Variants in ACTR3C observed in about 807,000 individuals in gnomAD.
ACTR3C encodes actin-related protein 3C.
In ACTR3C, 18 loss-of-function variants were observed where a neutral mutation model predicts 26.3. That is an observed-to-expected ratio of 0.68 (90% CI 0.47 to 1.01). The LOEUF is 1.01. Ranked by LOEUF, ACTR3C falls within the 50% of genes least tolerant of loss-of-function variation. The pLI, the probability that ACTR3C is intolerant of heterozygous loss-of-function variation, is 0.00. For missense variants in ACTR3C, 184 were observed against 250.7 expected, an observed-to-expected ratio of 0.73 and a Z score of 1.80; for synonymous variants, 55 against 94.5, an observed-to-expected ratio of 0.58 and a Z score of 2.42.
At chr7:150,183,139 G>A in the ACTR3C span, among the ~76,000 whole-genome samples, 1 of 150,676 alleles carries the variant, frequency 6.6e-6, no homozygotes, top group Admixed American at 6.6e-5. Flanking sequence ...AACAAGAAAT[G>A]GAAAGCTCCA....
the ACTR3C span, chr7:149,909,845 A>G: frequency 1.5e-5 from 8 of 517,526 alleles, no homozygotes; most frequent in Non-Finnish European, 2.7e-5. Context: ...AAAAAAACAA[A>G]CTTGTGATCA....
the ACTR3C span, among the ~76,000 whole-genome samples, chr7:149,978,866 G>C: frequency 6.6e-6 from 1 of 152,062 alleles, no homozygotes; most frequent in Admixed American, 6.6e-5. Flanking sequence ...TTCTCAAGAG[G>C]ACTGATCCCA....
At chr7:149,944,116 TTTC>T in the ACTR3C span, among the ~76,000 whole-genome samples, 19 of 147,612 alleles carry the variant, frequency 1.3e-4, no homozygotes, top group East Asian at 3.7e-3. Context: ...GCTTACTGGA[TTTC>T]TTGTGTGTTC....
At chr7:149,946,792 A>T in the ACTR3C span, among the ~76,000 whole-genome samples, 5 of 152,240 alleles carry the variant, frequency 3.3e-5, no homozygotes, top group Non-Finnish European at 7.3e-5. Flanking sequence ...GTGACATCAT[A>T]ATAAGGCATC....
rs572287855 is a variant in ACTR3C at position 150,249,082 on chromosome 7, G to A, written c.565-28C>T. 5.8e-5 allele frequency: 37 copies of A among 636,898 alleles called. No homozygotes were observed. The African/African-American group carries it at 6.7e-4, about 12-fold the overall frequency. 39.5% of individuals were successfully genotyped at this position (636,898 alleles called of 1,614,324 possible). A position where few individuals can be genotyped will look rare whatever the true frequency, so the allele number is the denominator to read the frequency against. ...GAAAAACAGAGAAAACAGTTATAGG[G>A]CAGCAGAGTCTCATGGGTCAATAAC... On this transcript the variant is annotated intron_variant, in intron 6 of 7. Transcript: ENST00000683684.
At chr7:150,132,800 T>C in the ACTR3C span, among the ~76,000 whole-genome samples, 5 of 152,302 alleles carry the variant, frequency 3.3e-5, no homozygotes, top group East Asian at 9.6e-4. Flanking sequence ...CGTGTATGCA[T>C]ATGTTCCTTG....
chr7:150,002,124 A>G, the ACTR3C span: 1 of 152,164 alleles, frequency 6.6e-6, no homozygotes, highest in Admixed American at 6.5e-5. Flanking sequence ...CCATATGAGG[A>G]CAGTGCTGGT....
the ACTR3C span, among the ~76,000 whole-genome samples, chr7:150,023,166 T>TAG: frequency 1.4e-5 from 1 of 71,054 alleles, no homozygotes. Flanking sequence ...GATATCTATA[T>TAG]AGATATATAG....
chr7:149,964,190 T>C, the ACTR3C span, among the ~76,000 whole-genome samples: 2 of 152,356 alleles, frequency 1.3e-5, no homozygotes, highest in Admixed American at 6.5e-5. Context: ...TGGCATCTCC[T>C]GGTGGCCCAG....
chr7:150,030,999 G>A, the ACTR3C span, among the ~76,000 whole-genome samples: 23 of 151,232 alleles, frequency 1.5e-4, no homozygotes, highest in African/African-American at 5.4e-4. Context: ...ACTCACACCT[G>A]TAATCCCAAC....
the ACTR3C span, among the ~76,000 whole-genome samples, chr7:149,943,245 A>G: frequency 2.8e-5 from 4 of 142,522 alleles, 1 homozygote; most frequent in South Asian, 8.6e-4. Context: ...AATATTTACT[A>G]TTTGACCCTT....
At chr7:150,019,599 AAAT>A in the ACTR3C span, among the ~76,000 whole-genome samples, 18,752 of 109,618 alleles carry the variant, frequency 0.17, 1,273 homozygotes, top group South Asian at 0.25. Flanking sequence ...TCAAAAATAA[AAAT>A]AATAATAATA....
the ACTR3C span, among the ~76,000 whole-genome samples, chr7:150,140,829 T>G: frequency 7.5e-3 from 1,143 of 152,358 alleles, 16 homozygotes; most frequent in African/African-American, 0.026. Context: ...TGAGATAGGC[T>G]GAAAGCTAGG....
the ACTR3C span, among the ~76,000 whole-genome samples, chr7:149,939,483 G>C: frequency 6.6e-6 from 1 of 152,170 alleles, no homozygotes; most frequent in Non-Finnish European, 1.5e-5. Flanking sequence ...CTTTGAAAAA[G>C]ACAATGAAAA....
At chr7:150,107,406 A>T in the ACTR3C span, among the ~76,000 whole-genome samples, 1 of 151,922 alleles carries the variant, frequency 6.6e-6, no homozygotes, top group African/African-American at 2.4e-5. Flanking sequence ...TCTTGGTGCT[A>T]GATCTATTGC....
the ACTR3C span, among the ~76,000 whole-genome samples, chr7:149,912,234 C>T: frequency 2.0e-5 from 3 of 151,572 alleles, no homozygotes; most frequent in African/African-American, 7.3e-5. Context: ...ACCCTGAAAT[C>T]ATAACTATGG....
chr7:150,058,929 C>CA, the ACTR3C span, among the ~76,000 whole-genome samples: 1 of 151,794 alleles, frequency 6.6e-6, no homozygotes, highest in Non-Finnish European at 1.5e-5. Flanking sequence ...AAAAAACAAA[C>CA]AAAAAAACAA....
intron 2 of ACTR3C, 52 bp downstream of exon 2, chr7:150,295,200 C>T (rs1448908696): frequency 3.5e-5 from 56 of 1,593,376 alleles, no homozygotes; most frequent in Non-Finnish European, 4.2e-5. Context: ...CCATTTCTTC[C>T]GCTACTAGAC....
the ACTR3C span, among the ~76,000 whole-genome samples, chr7:150,053,667 G>A: frequency 2.6e-5 from 4 of 152,224 alleles, no homozygotes; most frequent in African/African-American, 9.6e-5. Flanking sequence ...TAAAGATAGG[G>A]TCAGTCAAAT....
Sources: gnomAD v4.1 joint callset for allele counts (sites outside exome capture counted in the v4.1 genomes callset) on GRCh38, gnomAD v4.1.1 for gene constraint, MANE v1.5 for transcripts, NCBI Gene and HGNC (gene_info 2026-07-23, HGNC 2026-07-21) for gene names.